AGBL1: variants seen among roughly 807,000 people sequenced by gnomAD.
AGBL1 encodes cytosolic carboxypeptidase 4.
Under a neutral mutation model 118.9 loss-of-function variants are expected in AGBL1, and 130 were observed. That is an observed-to-expected ratio of 1.09 (90% CI 0.95 to 1.26). The LOEUF is 1.26. AGBL1 is among the 50% of genes most tolerant of loss of function. The pLI is 0.00. For missense variants in AGBL1, 1,584 were observed against 1,298.1 expected (o/e 1.22, Z -3.38); for synonymous variants, 555 against 478.9 (o/e 1.16, Z -2.08).
chr15:86,964,031 C>CTCTGTGTG lies in AGBL1; in HGVS notation c.3222-23955_3222-23954insCTGTGTGT, dbSNP rs1183866210. Among the ~76,000 whole-genome samples, 971 of 146,254 alleles carry CTCTGTGTG rather than the reference C, an allele frequency of 6.6e-3. 11 individuals are homozygous for CTCTGTGTG. The highest frequency in any genetic ancestry group is 0.041 in the East Asian group (199 of 4,854). On this transcript the variant is annotated intron_variant, in intron 23 of 24. Coordinates refer to the AGBL1 transcript ENST00000441037. Reference sequence around the variant, plus strand: ...AAACTCTCTCTCTCTCTCTCTCTCTCTGTGTGTGTGTGTGTGTGTGTGTGT... The same window carrying CTCTGTGTG: ...AAACTCTCTCTCTCTCTCTCTCTCTCTCTGTGTGTGTGTGTGTGTGTGTGTGTGTGTGT...
chr15:86,193,394 G>A (rs1169268112), intron 5 of AGBL1, among the ~76,000 whole-genome samples: 1 of 152,202 alleles, frequency 6.6e-6, no homozygotes, highest in Non-Finnish European at 1.5e-5. Context: ...TTGGAGACTG[G>A]AATGATGCAA....
intron 22 of AGBL1, among the ~76,000 whole-genome samples, chr15:86,678,732 C>T (rs1175916484): frequency 1.3e-5 from 2 of 151,958 alleles, no homozygotes; most frequent in Non-Finnish European, 2.9e-5. Flanking sequence ...AAATTCACAC[C>T]CACTGTTTAT....
intron 21 of AGBL1, among the ~76,000 whole-genome samples, chr15:86,606,365 A>T (rs2084577758): frequency 6.6e-6 from 1 of 152,090 alleles, no homozygotes. Context: ...TCTGCGTGAG[A>T]TTAGTTTTAG....
chr15:86,313,777 C>G (rs1276480600), intron 17 of AGBL1, among the ~76,000 whole-genome samples: 1 of 152,170 alleles, frequency 6.6e-6, no homozygotes, highest in Non-Finnish European at 1.5e-5. Flanking sequence ...TGCTCAAGCA[C>G]TTTCTTGGAA....
At chr15:86,317,976 A>G (rs2080042791) in intron 17 of AGBL1, among the ~76,000 whole-genome samples, 2 of 152,234 alleles carry the variant, frequency 1.3e-5, no homozygotes, top group African/African-American at 4.8e-5. Flanking sequence ...TTATAGTGTC[A>G]TGAGTAAAAA....
intron 22 of AGBL1, among the ~76,000 whole-genome samples, chr15:86,819,035 A>G (rs1051748084): frequency 2.0e-5 from 3 of 152,046 alleles, no homozygotes; most frequent in Non-Finnish European, 4.4e-5. Context: ...CTTTACCATT[A>G]TATGCCTTTT....
At chr15:86,780,952 G>A (rs897932976) in intron 22 of AGBL1, among the ~76,000 whole-genome samples, 1 of 152,088 alleles carries the variant, frequency 6.6e-6, no homozygotes, top group Non-Finnish European at 1.5e-5. Context: ...ACAGGCATGA[G>A]CCACTGCACC....
intron 24 of AGBL1, among the ~76,000 whole-genome samples, chr15:87,011,411 G>A (rs919159250): frequency 2.0e-5 from 3 of 152,136 alleles, no homozygotes; most frequent in Non-Finnish European, 4.4e-5. Flanking sequence ...ACATAAATGG[G>A]GGAAAAGGGG....
Position 86,388,687 on chromosome 15 carries a change from A to G in AGBL1, c.2375-8679A>G, listed in dbSNP as rs575250973. The stretch of plus-strand genomic sequence containing the variant: ...ATTTTGGCCTTCCTCTTAAATCTAT[A>G]CAGGCAAAATAATACATAATGAAAT... On this transcript the variant is annotated intron_variant, in intron 17 of 22. Coordinates refer to ENST00000614907, the MANE Select transcript of AGBL1 (RefSeq NM_001386094.1). Among the ~76,000 whole-genome samples the G allele has an allele frequency of 2.0e-5, 3 of 152,298 alleles. No individual in the cohort carries two copies. The South Asian group carries it at 6.2e-4, about 32-fold the overall frequency.
At chr15:86,710,869 G>A (rs569127170) in intron 22 of AGBL1, among the ~76,000 whole-genome samples, 6 of 152,150 alleles carry the variant, frequency 3.9e-5, no homozygotes, top group African/African-American at 1.4e-4. Context: ...CTGACTTTGT[G>A]ACAAGTCACA....
At chr15:86,865,519 G>T (rs577139789) in intron 22 of AGBL1, among the ~76,000 whole-genome samples, 1 of 152,294 alleles carries the variant, frequency 6.6e-6, no homozygotes, top group South Asian at 2.1e-4. Context: ...TTGTATGATA[G>T]TCCTAAAGAA....
At chr15:86,485,819 G>C (rs1211759865) in intron 18 of AGBL1, among the ~76,000 whole-genome samples, 5 of 152,068 alleles carry the variant, frequency 3.3e-5, no homozygotes, top group African/African-American at 1.2e-4. Flanking sequence ...TTCTGATCCA[G>C]GTGGCCTGCA....
intron 13 of AGBL1, 143 bp downstream of exon 13, chr15:86,267,219 G>T: frequency 1.5e-6 from 1 of 681,650 alleles, no homozygotes. Context: ...CATAAAAATT[G>T]GCAAACAGTA....
At chr15:86,477,193 C>G (rs2082572527) in intron 18 of AGBL1, among the ~76,000 whole-genome samples, 2 of 152,064 alleles carry the variant, frequency 1.3e-5, no homozygotes, top group South Asian at 4.2e-4. Flanking sequence ...AGAGCAAACA[C>G]ATTCAAAAGC....
In AGBL1 at chr15:86,911,149, G is replaced by A. The variant is rs2080344796; in HGVS notation, c.*3855G>A. 6.6e-6 allele frequency: 1 copy of A among 152,352 alleles called. No individual in the cohort carries two copies. The highest frequency in any genetic ancestry group is 6.6e-5 in the Admixed American group (1 of 15,262). 9.4% of individuals were successfully genotyped at this position (152,352 alleles called of 1,614,324 possible). The stretch of plus-strand genomic sequence containing the variant: ...CAAAATGTGCAGAGGAGAGAGGAGA[G>A]TCCAGAGAGGCGATGTTGGGGCAGG... On this transcript the variant is annotated 3_prime_UTR_variant, in exon 23 of 23. Coordinates refer to ENST00000614907, the MANE Select transcript of AGBL1 (RefSeq NM_001386094.1).
At chr15:86,124,349 A>C (rs1364209627) in intron 1 of AGBL1, among the ~76,000 whole-genome samples, 1 of 147,058 alleles carries the variant, frequency 6.8e-6, no homozygotes, top group East Asian at 2.0e-4. Context: ...AAAAAAAAAC[A>C]AAGAAAACCC....
At position 86,941,808 on chromosome 15, in the gene AGBL1, C is replaced by A. The variant is rs758150366; in HGVS notation, c.3222-46179C>A. ...CAATGCAGAGCCTGATGCAGGAGAA[C>A]CATGCACACTACAGGAGCAGGCCCA... is the stretch of plus-strand genomic sequence containing the variant. On this transcript the variant is annotated intron_variant, in intron 23 of 24. Coordinates refer to the AGBL1 transcript ENST00000441037. Among the ~76,000 whole-genome samples the A allele has an allele frequency of 2.2e-4, 34 of 152,290 alleles. 1 individual carries two copies. Among genetic ancestry groups the A allele is most frequent in the South Asian group, 6.2e-4 (3 of 4,826 alleles).
chr15:86,803,713 A>C (rs904853858), intron 22 of AGBL1, among the ~76,000 whole-genome samples: 1 of 152,124 alleles, frequency 6.6e-6, no homozygotes, highest in Admixed American at 6.6e-5. Context: ...AAAGTCTTGA[A>C]GGAAAGAGAC....
At chr15:86,978,518 T>G (rs1212265527) in intron 23 of AGBL1, among the ~76,000 whole-genome samples, 2 of 152,126 alleles carry the variant, frequency 1.3e-5, no homozygotes, top group African/African-American at 4.8e-5. Context: ...TACAGCAAGG[T>G]AAAACAAGTA....
Sources: gnomAD v4.1 joint callset for allele counts (sites outside exome capture counted in the v4.1 genomes callset) on GRCh38, gnomAD v4.1.1 for gene constraint, MANE v1.5 for transcripts, NCBI Gene and HGNC (gene_info 2026-07-23, HGNC 2026-07-21) for gene names.